The following ADGRL2 variants were observed in gnomAD, a reference collection of about 807,000 sequenced individuals.
ADGRL2 encodes adhesion G protein-coupled receptor L2.
Under a neutral mutation model 157.4 loss-of-function variants are expected in ADGRL2, and 44 were observed. The observed-to-expected ratio is 0.28, with a 90% CI of 0.22 to 0.36. ADGRL2 has a LOEUF of 0.36. Ranked by LOEUF, ADGRL2 falls within the 10% of genes least tolerant of loss-of-function variation. The pLI, the probability that ADGRL2 is intolerant of heterozygous loss-of-function variation, is 1.00. For synonymous variants in ADGRL2, 585 were observed against 624.7 expected (o/e 0.94, Z 0.95); for missense variants, 1,510 against 1,768.9 (o/e 0.85, Z 2.63).
intron 2 of ADGRL2, among the ~76,000 whole-genome samples, chr1:81,450,623 C>A (rs955555781): frequency 1.3e-5 from 2 of 151,816 alleles, no homozygotes; most frequent in African/African-American, 4.8e-5. Flanking sequence ...GCTCAGGTAC[C>A]AGGAAGATGA....
intron 2 of ADGRL2, among the ~76,000 whole-genome samples, chr1:81,893,602 A>G (rs1287784860): frequency 6.6e-6 from 1 of 152,134 alleles, no homozygotes; most frequent in Non-Finnish European, 1.5e-5. Context: ...CCTGTAGGGA[A>G]CAAGTATGAA....
chr1:81,691,552 G>C (rs1019794284), intron 3 of ADGRL2, among the ~76,000 whole-genome samples: 2 of 151,810 alleles, frequency 1.3e-5, no homozygotes, highest in East Asian at 3.9e-4. Flanking sequence ...AGGCTGGAGT[G>C]CAATGGCACG....
At chr1:81,315,769 GTTT>G (rs35552602) in intron 1 of ADGRL2, among the ~76,000 whole-genome samples, 67,397 of 150,644 alleles carry the variant, frequency 0.45, 15,350 homozygotes, top group Middle Eastern at 0.55. Context: ...TCGGCAATTA[GTTT>G]TTTTTTTTGA....
At chr1:81,483,666 T>A (rs995935060) in intron 2 of ADGRL2, among the ~76,000 whole-genome samples, 4 of 152,188 alleles carry the variant, frequency 2.6e-5, no homozygotes, top group African/African-American at 9.6e-5. Flanking sequence ...ATACTGCTAG[T>A]TATAGCATGA....
chr1:81,356,641 T>C (rs899770917), intron 1 of ADGRL2, among the ~76,000 whole-genome samples: 1 of 152,130 alleles, frequency 6.6e-6, no homozygotes, highest in Non-Finnish European at 1.5e-5. Context: ...TTTCTGTTTG[T>C]CTTCAGGAGA....
intron 3 of ADGRL2, among the ~76,000 whole-genome samples, chr1:81,627,081 T>C (rs1403032900): frequency 2.0e-5 from 3 of 152,028 alleles, no homozygotes; most frequent in Admixed American, 6.6e-5. Flanking sequence ...TTTCAGTAAA[T>C]GTTAGCTATT....
chr1:81,659,484 G>A (rs2148873754), intron 3 of ADGRL2, among the ~76,000 whole-genome samples: 1 of 152,248 alleles, frequency 6.6e-6, no homozygotes, highest in East Asian at 1.9e-4. Flanking sequence ...TTTAGTATAA[G>A]GCTTCTTTCC....
At chr1:81,768,866 A>G (rs1269447649) in intron 2 of ADGRL2, among the ~76,000 whole-genome samples, 1 of 152,098 alleles carries the variant, frequency 6.6e-6, no homozygotes, top group African/African-American at 2.4e-5. Context: ...AGATCACTTG[A>G]GGTCAGGAGT....
At position 81,630,901 on chromosome 1, in the gene ADGRL2, C is replaced by T. The variant is rs548992132; in HGVS notation, c.-143+49921C>T. Among the ~76,000 whole-genome samples, 82 of 152,264 alleles carry T rather than the reference C, an allele frequency of 5.4e-4. 1 individual carries two copies. In the South Asian group the frequency reaches 0.017, roughly 31 times the overall value. On this transcript the variant is annotated intron_variant, in intron 3 of 24. Coordinates refer to the ADGRL2 transcript ENST00000370721. ...ACCAAGCAAAACAATTTCTAATCTA[C>T]TGCTGGATTCTACATAGTCTCCTAA... is the stretch of plus-strand genomic sequence containing the variant.
At chr1:81,546,467 A>G (rs1378893246) in intron 2 of ADGRL2, among the ~76,000 whole-genome samples, 2 of 152,246 alleles carry the variant, frequency 1.3e-5, no homozygotes, top group African/African-American at 4.8e-5. Context: ...ATAAAGACAG[A>G]AACATTTCAT....
intron 1 of ADGRL2, among the ~76,000 whole-genome samples, chr1:81,438,021 AT>A (rs2077439833): frequency 7.3e-6 from 1 of 136,716 alleles, no homozygotes; most frequent in Non-Finnish European, 1.6e-5. Flanking sequence ...CTCTCTCTTT[AT>A]TTTCAGCCTG....
chr1:81,920,524 G>C (rs1478268584), intron 3 of ADGRL2, among the ~76,000 whole-genome samples: 1 of 152,070 alleles, frequency 6.6e-6, no homozygotes, highest in Non-Finnish European at 1.5e-5. Flanking sequence ...TCTCCCCAGA[G>C]GCAGCCCCCA....
chr1:81,935,642 A>G (rs184237389), intron 3 of ADGRL2, among the ~76,000 whole-genome samples: 7 of 152,112 alleles, frequency 4.6e-5, no homozygotes, highest in Admixed American at 3.9e-4. Flanking sequence ...TGGTATTCCA[A>G]CTGTTACATA....
chr1:81,713,946 G>A (rs1254514248), intron 1 of ADGRL2, among the ~76,000 whole-genome samples: 1 of 152,190 alleles, frequency 6.6e-6, no homozygotes, highest in East Asian at 1.9e-4. Context: ...AGTTCCACAT[G>A]GCTGGGGAGG....
intron 2 of ADGRL2, among the ~76,000 whole-genome samples, chr1:81,850,022 A>G (rs17107327): frequency 0.022 from 3,300 of 148,028 alleles, 120 homozygotes; most frequent in African/African-American, 0.076. Context: ...TAGTCAGTGG[A>G]CAGACTGTTT....
chr1:81,631,781 A>T (rs547632134), intron 3 of ADGRL2, among the ~76,000 whole-genome samples: 1 of 152,206 alleles, frequency 6.6e-6, no homozygotes, highest in South Asian at 2.1e-4. Flanking sequence ...TCTACATAAC[A>T]TGATTATCGC....
intron 3 of ADGRL2, among the ~76,000 whole-genome samples, chr1:81,660,715 C>T (rs2082632752): frequency 6.6e-6 from 1 of 152,070 alleles, no homozygotes; most frequent in Admixed American, 6.6e-5. Flanking sequence ...CTGGCAGAGA[C>T]CAAATTAGAG....
chr1:81,389,800 C>A lies in ADGRL2; in HGVS notation c.-301-55236C>A, dbSNP rs183685285. Among the ~76,000 whole-genome samples the A allele has an allele frequency of 1.7e-3, 263 of 152,180 alleles. 1 individual carries two copies. Among genetic ancestry groups the A allele is most frequent in the Middle Eastern group, 3.4e-3 (1 of 292 alleles). On this transcript the variant is annotated intron_variant, in intron 1 of 24. Coordinates refer to the ADGRL2 transcript ENST00000370721. The stretch of plus-strand genomic sequence containing the variant: ...AGAGATGAGCAAAGCATGGTTCTTG[C>A]ATTTCTTGCAATGTGGACCTACTAT...
rs1165555574 is a variant in ADGRL2 at position 81,761,853 on chromosome 1, GT to G, written c.-101+2del. ...GAAAAATTTCATCTTTCCCAGAATG[GT>G]AAGTAAGGAGTTCTTTCTGTATTTG... On this transcript the variant is annotated splice_donor_variant, in intron 2 of 20. Coordinates refer to the ADGRL2 transcript ENST00000359929. LOFTEE classifies it low-confidence loss of function (5UTR_SPLICE). 3 of 151,930 alleles carry G rather than the reference GT, an allele frequency of 2.0e-5. No individual in the cohort carries two copies. Among genetic ancestry groups the G allele is most frequent in the Admixed American group, 6.6e-5 (1 of 15,242 alleles). 9.4% of individuals were successfully genotyped at this position (151,930 alleles called of 1,614,324 possible).
Sources: gnomAD v4.1 joint callset for allele counts (sites outside exome capture counted in the v4.1 genomes callset) on GRCh38, gnomAD v4.1.1 for gene constraint, MANE v1.5 for transcripts, NCBI Gene and HGNC (gene_info 2026-07-23, HGNC 2026-07-21) for gene names.